Variants in SUGT1 observed in about 807,000 individuals in gnomAD.
SUGT1 encodes protein SGT1 homolog.
In SUGT1, 15 loss-of-function variants were observed where a neutral mutation model predicts 56.1. The observed-to-expected ratio is 0.27, with a 90% CI of 0.18 to 0.41. The LOEUF (loss-of-function observed/expected upper bound fraction) is 0.41, where lower values mean the gene tolerates loss of function less well. Ranked by LOEUF, SUGT1 falls within the 10% of genes least tolerant of loss-of-function variation. The pLI, the probability that SUGT1 is intolerant of heterozygous loss-of-function variation, is 1.00. For synonymous variants in SUGT1, 123 were observed against 128.6 expected, an observed-to-expected ratio of 0.96 and a Z score of 0.30; for missense variants, 347 against 382.2, an observed-to-expected ratio of 0.91 and a Z score of 0.77.
At chr13:52,655,395 A>C (rs1468020942) in intron 2 of SUGT1, among the ~76,000 whole-genome samples, 1 of 152,192 alleles carries the variant, frequency 6.6e-6, no homozygotes, top group Non-Finnish European at 1.5e-5. Flanking sequence ...GATTATGGAG[A>C]TCCGTCAAGA....
chr13:52,674,986 GT>G (rs1430699944), intron 10 of SUGT1, among the ~76,000 whole-genome samples: 7 of 152,174 alleles, frequency 4.6e-5, no homozygotes, highest in African/African-American at 1.7e-4. Flanking sequence ...ATTTTAATAA[GT>G]GAACTTAGTC....
At position 52,689,981 on chromosome 13, in the gene SUGT1, A is replaced by T. The variant is rs906943507; in HGVS notation, c.*2146A>T. On this transcript the variant is annotated 3_prime_UTR_variant, in exon 13 of 13. Transcript: ENST00000310528. ...CTCAAAAAAAATAAATAGCTGTTTA[A>T]AAAAAAAAAATCTGGTACTATCTTT... is the stretch of plus-strand genomic sequence containing the variant. 6.7e-6 allele frequency: 1 copy of T among 149,756 alleles called. No homozygotes were observed. The highest frequency in any genetic ancestry group is 1.5e-5 in the Non-Finnish European group (1 of 67,246). 9.3% of individuals were successfully genotyped at this position (149,756 alleles called of 1,614,324 possible). A position where few individuals can be genotyped will look rare whatever the true frequency, so the allele number is the denominator to read the frequency against.
intron 6 of SUGT1, 37 bp downstream of exon 6, chr13:52,662,739 AAAG>A: frequency 1.9e-6 from 3 of 1,594,076 alleles, no homozygotes; most frequent in Non-Finnish European, 2.6e-6. Flanking sequence ...TTCAATTTAA[AAAG>A]AAGTAAACAT....
At chr13:52,664,159 A>C (rs997563412) in intron 8 of SUGT1, 102 bp downstream of exon 8, 30 of 1,271,710 alleles carry the variant, frequency 2.4e-5, no homozygotes, top group Non-Finnish European at 3.2e-5. Context: ...GTGATTTTTA[A>C]GTTTTTGTTT....
Position 52,697,190 on chromosome 13 carries a change from A to T in SUGT1, c.*9355A>T, listed in dbSNP as rs1963965203. The T allele has an allele frequency of 6.6e-6, 1 of 151,776 alleles. No individual in the cohort carries two copies. Among genetic ancestry groups the T allele is most frequent in the Admixed American group, 6.6e-5 (1 of 15,234 alleles). The allele number at this position is 151,776 out of a possible 1,614,324, so 9.4% of individuals were successfully genotyped here. A position where few individuals can be genotyped will look rare whatever the true frequency, so the allele number is the denominator to read the frequency against. ...GCTAATTTTTAAATTTTGTGTAGAG[A>T]TGGGGTCTCCCTGCATTGCCCAGGT... is the stretch of plus-strand genomic sequence containing the variant. On this transcript the variant is annotated 3_prime_UTR_variant, in exon 13 of 13. Coordinates refer to ENST00000310528, the MANE Select transcript of SUGT1 (RefSeq NM_006704.5).
chr13:52,681,332 C>T (rs1963365370), intron 12 of SUGT1, among the ~76,000 whole-genome samples: 1 of 150,076 alleles, frequency 6.7e-6, no homozygotes, highest in Non-Finnish European at 1.5e-5. Context: ...GTGGGAGGAT[C>T]TCTTGAGCCT....
rs1370092270 is a variant in SUGT1 at position 52,653,103 on chromosome 13, G to A, written c.96G>A (p.Glu32=). 6.2e-7 allele frequency: 1 copy of A among 1,614,150 alleles called. No homozygotes were observed. Among genetic ancestry groups the A allele is most frequent in the Admixed American group, 1.7e-5 (1 of 60,018 alleles). The stretch of plus-strand genomic sequence containing the variant: ...ACGAGGACCCCCAGGCGGCGTTAGA[G>A]GTGAGAGAGCCCATTTCTGCTTCCT... ...LIDEDPQAAL[E]ELTKALEQKP... Residue 32 remains glutamate (E), a splice_region_variant and synonymous_variant, in exon 2 of 13, where the codon GAG becomes GAA. Transcript: ENST00000310528.
rs575436294 is a variant in SUGT1 at position 52,667,665 on chromosome 13, G to T, written c.627+746G>T. Among the ~76,000 whole-genome samples the T allele has an allele frequency of 3.9e-5, 6 of 152,124 alleles. No individual in the cohort carries two copies. The East Asian group carries it at 1.2e-3, about 29-fold the overall frequency. On this transcript the variant is annotated intron_variant, in intron 10 of 12. Coordinates refer to ENST00000310528, the MANE Select transcript of SUGT1 (RefSeq NM_006704.5). ...TGAGTAATTTTTAGATTCCTTTATA[G>T]TTTCTAAAAGAAGTAGAGATATACA...
chr13:52,694,918 G>C lies in SUGT1; in HGVS notation c.*7083G>C, dbSNP rs1245591270. 1 of 152,302 alleles carries C rather than the reference G, an allele frequency of 6.6e-6. No individual in the cohort carries two copies. The highest frequency in any genetic ancestry group is 2.4e-5 in the African/African-American group (1 of 41,460). The allele number at this position is 152,302 out of a possible 1,614,324, so 9.4% of individuals were successfully genotyped here. A position where few individuals can be genotyped will look rare whatever the true frequency, so the allele number is the denominator to read the frequency against. On this transcript the variant is annotated 3_prime_UTR_variant, in exon 13 of 13. Coordinates refer to ENST00000310528, the MANE Select transcript of SUGT1 (RefSeq NM_006704.5). The stretch of plus-strand genomic sequence containing the variant: ...GTTAGCCAGGATGGTCTCATCTCCT[G>C]ATCTTGTGACCCGCCCGCCTCGGCC...
At position 52,660,122 on chromosome 13, in the gene SUGT1, C is replaced by G. The variant is rs147538048; in HGVS notation, c.328+873C>G. On this transcript the variant is annotated intron_variant, in intron 5 of 12. Transcript: ENST00000310528. ...GGGATTACAGGCATGAGCCACTGCACCCAGCCGAGAGCCAAGAATTTTTAA... is the reference window on the plus strand; with the variant it reads ...GGGATTACAGGCATGAGCCACTGCAGCCAGCCGAGAGCCAAGAATTTTTAA... Among the ~76,000 whole-genome samples, 51 of 151,960 alleles carry G rather than the reference C, an allele frequency of 3.4e-4. 1 individual carries two copies. The East Asian group carries it at 6.6e-3, about 20-fold the overall frequency.
rs1390260199 is a variant in SUGT1 at position 52,696,671 on chromosome 13, C to T, written c.*8836C>T. 1 of 152,154 alleles carries T rather than the reference C, an allele frequency of 6.6e-6. No individual in the cohort carries two copies. The highest frequency in any genetic ancestry group is 1.5e-5 in the Non-Finnish European group (1 of 68,044). The allele number at this position is 152,154 out of a possible 1,614,324, so 9.4% of individuals were successfully genotyped here. ...ATGAGGTCTTGCTGTGGTGCTCAGG[C>T]TGGAGTGCAGTGGCTGTTCACAGGC... On this transcript the variant is annotated 3_prime_UTR_variant, in exon 13 of 13. Transcript: ENST00000310528.
At chr13:52,677,080 T>C (rs1306719463) in intron 11 of SUGT1, among the ~76,000 whole-genome samples, 1 of 149,942 alleles carries the variant, frequency 6.7e-6, no homozygotes, top group Non-Finnish European at 1.5e-5. Context: ...CAAGCTAACA[T>C]GTGTCTCAGC....
chr13:52,688,027 T>C lies in SUGT1; in HGVS notation c.*192T>C. On this transcript the variant is annotated 3_prime_UTR_variant, in exon 13 of 13. Coordinates refer to ENST00000310528, the MANE Select transcript of SUGT1 (RefSeq NM_006704.5). ...AGAATGAAGATAACATTTTATCACTTCTGTCCTTAAAGGTTTCAGACATGG... is the reference window on the plus strand; with the variant it reads ...AGAATGAAGATAACATTTTATCACTCCTGTCCTTAAAGGTTTCAGACATGG... 1 of 412,114 alleles carries C rather than the reference T, an allele frequency of 2.4e-6. No homozygotes were observed. Among genetic ancestry groups the C allele is most frequent in the Non-Finnish European group, 4.3e-6 (1 of 234,072 alleles). The allele number at this position is 412,114 out of a possible 1,614,324, so 25.5% of individuals were successfully genotyped here. A position where few individuals can be genotyped will look rare whatever the true frequency, so the allele number is the denominator to read the frequency against.
intron 8 of SUGT1, among the ~76,000 whole-genome samples, chr13:52,664,525 A>G (rs1256855763): frequency 6.6e-6 from 1 of 152,238 alleles, no homozygotes; most frequent in Non-Finnish European, 1.5e-5. Flanking sequence ...TTAATTATTC[A>G]TTAGCCTGTG....
At chr13:52,654,754 G>A (rs1165284410) in intron 2 of SUGT1, among the ~76,000 whole-genome samples, 2 of 152,260 alleles carry the variant, frequency 1.3e-5, no homozygotes, top group Admixed American at 6.5e-5. Context: ...TTCATATTGT[G>A]TGAAGTAGTA....
chr13:52,663,432 T>A (rs1962551393), intron 7 of SUGT1, among the ~76,000 whole-genome samples: 1 of 152,196 alleles, frequency 6.6e-6, no homozygotes, highest in Non-Finnish European at 1.5e-5. Context: ...ACAGTTTGAA[T>A]CACTTGTAGG....
chr13:52,653,416 G>T (rs1962009521), intron 2 of SUGT1, among the ~76,000 whole-genome samples: 2 of 152,056 alleles, frequency 1.3e-5, no homozygotes, highest in African/African-American at 4.8e-5. Context: ...TATGATTAGA[G>T]AAGTGGACTC....
rs542561978 is a variant in SUGT1 at position 52,692,724 on chromosome 13, T to C, written c.*4889T>C. 1.3e-5 allele frequency: 2 copies of C among 152,364 alleles called. No individual in the cohort carries two copies. Among genetic ancestry groups the C allele is most frequent in the African/African-American group, 2.4e-5 (1 of 41,588 alleles). The allele number at this position is 152,364 out of a possible 1,614,324, so 9.4% of individuals were successfully genotyped here. On this transcript the variant is annotated 3_prime_UTR_variant, in exon 13 of 13. Transcript: ENST00000310528. ...GTGCCCAGCCAAGAACTAATTCTTA[T>C]ATAGGAGCTGGGAAGATAAATTCCT...
intron 11 of SUGT1, among the ~76,000 whole-genome samples, chr13:52,678,742 T>C (rs956874466): frequency 1.3e-5 from 2 of 149,704 alleles, no homozygotes; most frequent in Non-Finnish European, 3.0e-5. Context: ...GCAGTGGCAC[T>C]GTCATGGCTC....
Sources: gnomAD v4.1 joint callset for allele counts (sites outside exome capture counted in the v4.1 genomes callset) on GRCh38, gnomAD v4.1.1 for gene constraint, MANE v1.5 for transcripts, NCBI Gene and HGNC (gene_info 2026-07-23, HGNC 2026-07-21) for gene names.